Variants in SYNPO2 observed in about 807,000 individuals in gnomAD.
SYNPO2 encodes synaptopodin-2.
In SYNPO2, 56 loss-of-function variants were observed where a neutral mutation model predicts 85.0. That is an observed-to-expected ratio of 0.66 (90% confidence interval 0.53 to 0.82). The LOEUF (loss-of-function observed/expected upper bound fraction) is 0.82, where lower values mean the gene tolerates loss of function less well. Ranked by LOEUF, SYNPO2 falls within the 40% of genes least tolerant of loss-of-function variation. The probability of loss-of-function intolerance (pLI) is 0.00; values close to 1 mark genes in which losing one functional copy is unlikely to be tolerated. For missense variants in SYNPO2, 1,575 were observed against 1,534.2 expected (o/e 1.03, Z -0.44); for synonymous variants, 602 against 591.1 (o/e 1.02, Z -0.27).
At chr4:118,967,209 C>G (rs1392634390) in intron 1 of SYNPO2, among the ~76,000 whole-genome samples, 3 of 152,138 alleles carry the variant, frequency 2.0e-5, no homozygotes, top group African/African-American at 7.2e-5. Context: ...TCTATACTGC[C>G]CATTTTCTTT....
chr4:118,890,519 A>G (rs1238620324), intron 1 of SYNPO2, among the ~76,000 whole-genome samples: 1 of 151,102 alleles, frequency 6.6e-6, no homozygotes, highest in Non-Finnish European at 1.5e-5. Context: ...GCAACCTCAG[A>G]TAAAATATGA....
chr4:118,996,979 G>C (rs1578626857), intron 1 of SYNPO2, among the ~76,000 whole-genome samples: 1 of 151,892 alleles, frequency 6.6e-6, no homozygotes, highest in East Asian at 1.9e-4. Context: ...GGTGGCTCAC[G>C]CCTGTAATCC....
intron 4 of SYNPO2, chr4:119,038,416 A>G (rs1166826420): frequency 2.0e-6 from 2 of 985,312 alleles, no homozygotes; most frequent in Non-Finnish European, 1.2e-6. Context: ...ACTTCTCAAA[A>G]TTCTTTCATT....
rs182167957 is a variant in SYNPO2, at chr4:119,055,912, A to C, written c.3253-1489A>C. Among the ~76,000 whole-genome samples, 604 of 152,244 alleles carry C rather than the reference A, an allele frequency of 4.0e-3. 2 individuals are homozygous for C. The highest frequency in any genetic ancestry group is 0.014 in the African/African-American group (571 of 41,526). ...TTGTGTACCTAATAATAAAAAAAAA[A>C]CGAAACATTTGAATCTGAGATATTT... is the stretch of plus-strand genomic sequence containing the variant. On this transcript the variant is annotated intron_variant, in intron 4 of 4. Coordinates refer to ENST00000307142, the MANE Select transcript of SYNPO2 (RefSeq NM_133477.3).
rs368480303 is a variant in SYNPO2 at position 118,889,025 on chromosome 4, T to C, written c.-12T>C. ...CGTCAAGCTCTTCATGCTGCCCAAC[T>C]AAAAGGAAAACATGGGCACAGGGGA... On this transcript the variant is annotated 5_prime_UTR_variant, in exon 1 of 5. The change abolishes the stop of an existing upstream ORF in the 5' untranslated region. Transcript: ENST00000307142. 136 of 1,613,936 alleles carry C rather than the reference T, an allele frequency of 8.4e-5. No homozygotes were observed. Among genetic ancestry groups the C allele is most frequent in the Non-Finnish European group, 1.1e-4 (130 of 1,179,940 alleles).
chr4:118,879,163 G>GGAA (rs1708208781), intron 1 of SYNPO2, among the ~76,000 whole-genome samples: 1 of 152,158 alleles, frequency 6.6e-6, no homozygotes, highest in Non-Finnish European at 1.5e-5. Context: ...AACATCTGAA[G>GGAA]GAACAAACTC....
chr4:118,880,551 C>T (rs527356338), intron 1 of SYNPO2, among the ~76,000 whole-genome samples: 1 of 152,070 alleles, frequency 6.6e-6, no homozygotes, highest in South Asian at 2.1e-4. Context: ...AGTTCAAGAC[C>T]AGCCTGGCCA....
intron 1 of SYNPO2, among the ~76,000 whole-genome samples, chr4:119,002,481 G>A (rs1484101098): frequency 6.6e-6 from 1 of 152,088 alleles, no homozygotes. Flanking sequence ...GGCTGGTCTC[G>A]ATCTCCTGAC....
intron 1 of SYNPO2, among the ~76,000 whole-genome samples, chr4:118,870,376 G>T (rs1285903813): frequency 6.6e-6 from 1 of 152,196 alleles, no homozygotes; most frequent in Non-Finnish European, 1.5e-5. Context: ...TTAAGCAGTT[G>T]TTATATGTCA....
chr4:118,876,701 CTTTCTTTCTTTCTTTCTT>C (rs1165842839), intron 1 of SYNPO2, among the ~76,000 whole-genome samples: 19 of 118,526 alleles, frequency 1.6e-4, no homozygotes, highest in African/African-American at 5.9e-4. Context: ...TTCTTTCTTT[CTTTCTTTCTTTCTTTCTT>C]TCTTTCTTTC....
At chr4:118,983,344 T>G (rs1205630557) in intron 1 of SYNPO2, among the ~76,000 whole-genome samples, 1 of 151,998 alleles carries the variant, frequency 6.6e-6, no homozygotes, top group African/African-American at 2.4e-5. Context: ...CACACTAGAT[T>G]CCTTGAAACA....
chr4:119,005,979 T>C (rs1330418812), intron 1 of SYNPO2: 1 of 152,342 alleles, frequency 6.6e-6, no homozygotes, highest in Non-Finnish European at 1.5e-5. Flanking sequence ...TGTGTGTCCA[T>C]GCAGAGAAAC....
intron 1 of SYNPO2, among the ~76,000 whole-genome samples, chr4:118,931,224 A>T (rs1051854190): frequency 6.7e-6 from 1 of 148,358 alleles, no homozygotes; most frequent in African/African-American, 2.5e-5. Context: ...ATTCATAAGT[A>T]AAAAAAAAAA....
At chr4:119,032,967 A>G in intron 4 of SYNPO2, 5 of 882,910 alleles carry the variant, frequency 5.7e-6, no homozygotes, top group Non-Finnish European at 6.6e-6. Context: ...GAACTAAGTG[A>G]GTACATCTCC....
At chr4:118,859,403 C>T (rs1378062648) in intron 1 of SYNPO2, among the ~76,000 whole-genome samples, 3 of 152,058 alleles carry the variant, frequency 2.0e-5, no homozygotes, top group African/African-American at 7.2e-5. Flanking sequence ...AGCATTTATC[C>T]TTTGTGTTTC....
At position 118,963,342 on chromosome 4, in the gene SYNPO2, C is replaced by T. The variant is rs561922629; in HGVS notation, c.106-60088C>T. On this transcript the variant is annotated intron_variant, in intron 1 of 4. Coordinates refer to ENST00000307142, the MANE Select transcript of SYNPO2 (RefSeq NM_133477.3). Reference sequence around the variant, plus strand: ...AATTTAATAGCACATTCATACAGGCCACCAGACTAAGAAATAATTTTACCT... The same window carrying T: ...AATTTAATAGCACATTCATACAGGCTACCAGACTAAGAAATAATTTTACCT... Among the ~76,000 whole-genome samples, 3 of 152,240 alleles carry T rather than the reference C, an allele frequency of 2.0e-5. No homozygotes were observed. In the South Asian group the frequency reaches 6.2e-4, roughly 32 times the overall value.
chr4:118,851,056 A>T, intron 1 of SYNPO2: 1 of 397,860 alleles, frequency 2.5e-6, no homozygotes, highest in Non-Finnish European at 4.4e-6. Context: ...TTTTACTCAT[A>T]CCTTTCATCT....
intron 1 of SYNPO2, among the ~76,000 whole-genome samples, chr4:118,918,917 A>G (rs1733444531): frequency 1.3e-5 from 2 of 152,246 alleles, no homozygotes; most frequent in Non-Finnish European, 2.9e-5. Flanking sequence ...CAGATTAAAA[A>G]GTTTTAAAAT....
At chr4:118,957,476 A>G (rs999629621) in intron 1 of SYNPO2, among the ~76,000 whole-genome samples, 8 of 152,122 alleles carry the variant, frequency 5.3e-5, no homozygotes, top group African/African-American at 1.9e-4. Context: ...TTGGAAAGTC[A>G]CGTAACCTCT....
Sources: allele counts gnomAD v4.1 joint callset (sites outside exome capture counted in the v4.1 genomes callset), GRCh38; gene constraint gnomAD v4.1.1; transcripts MANE v1.5; gene names NCBI Gene and HGNC (gene_info 2026-07-23, HGNC 2026-07-21).